The following REXO2 variants were observed in gnomAD, a reference collection of about 807,000 sequenced individuals.
REXO2 encodes the protein RNA exonuclease 2, also known as oligoribonuclease, mitochondrial.
REXO2 carries 17 observed loss-of-function variants against 30.9 expected under a neutral mutation model. The observed-to-expected ratio is 0.55, with a 90% CI of 0.38 to 0.82. The LOEUF (loss-of-function observed/expected upper bound fraction) is 0.82. Ranked by LOEUF, REXO2 falls within the 40% of genes least tolerant of loss-of-function variation. The pLI, the probability that REXO2 is intolerant of heterozygous loss-of-function variation, is 0.00. For missense variants in REXO2, 253 were observed against 293.2 expected, an observed-to-expected ratio of 0.86 and a Z score of 1.00; for synonymous variants, 105 against 99.6, an observed-to-expected ratio of 1.05 and a Z score of -0.32.
At chr11:114,445,217 T>A (rs1192881205) in intron 4 of REXO2, 1 of 152,248 alleles carries the variant, frequency 6.6e-6, no homozygotes, top group African/African-American at 2.4e-5. Flanking sequence ...TATATTTCTT[T>A]AGTCTCTTAA....
Position 114,450,000 on chromosome 11 carries a change from A to G in REXO2, c.*25A>G, listed in dbSNP as rs1325348484. The G allele has an allele frequency of 2.6e-6, 4 of 1,567,206 alleles. No individual in the cohort carries two copies. Among genetic ancestry groups the G allele is most frequent in the African/African-American group, 1.4e-5 (1 of 72,014 alleles). On this transcript the variant is annotated 3_prime_UTR_variant, in exon 7 of 7. Transcript: ENST00000265881. ...ATGCCAGTTATCATGCTGCCACTAC[A>G]TCGTTATCTGGAGGCAACTTCTGGT...
In REXO2 at chr11:114,449,948, TG is replaced by T. The variant is rs1946535022; in HGVS notation, c.691del (p.Glu231LysfsTer6). ...DEKKRKIIEN[G>X]ENEKTVS Reference sequence around the variant, plus strand: ...AAAAGAAGAGGAAAATTATAGAAAATGGGGAAAATGAGAAGACCGTGAGTTG... The same window carrying T: ...AAAAGAAGAGGAAAATTATAGAAAATGGGAAAATGAGAAGACCGTGAGTTG... On this transcript the variant is annotated frameshift_variant, in exon 7 of 7. Transcript: ENST00000265881. LOFTEE classifies it high-confidence loss of function. 6.2e-7 allele frequency: 1 copy of T among 1,606,348 alleles called. No individual in the cohort carries two copies. Among genetic ancestry groups the T allele is most frequent in the East Asian group, 2.2e-5 (1 of 44,504 alleles).
chr11:114,444,139 T>TC, intron 3 of REXO2: 3 of 654,216 alleles, frequency 4.6e-6, no homozygotes, highest in Non-Finnish European at 8.5e-6. Flanking sequence ...CTCTTTTTTT[T>TC]CTCTCCTACA....
At chr11:114,439,747 T>C (rs476200) in intron 1 of REXO2, 72 bp downstream of exon 1, 687,959 of 1,419,940 alleles carry the variant, frequency 0.48, 171,059 homozygotes, top group African/African-American at 0.74. Context: ...GTCGAGCCCG[T>C]CCTGGGAGAG....
chr11:114,444,187 T>C, intron 3 of REXO2: 1 of 618,044 alleles, frequency 1.6e-6, no homozygotes, highest in South Asian at 1.5e-5. Flanking sequence ...TTGTCAAGTA[T>C]TACTCAAGTC....
At chr11:114,440,919 G>T in intron 2 of REXO2, 180 bp downstream of exon 2, 1 of 447,798 alleles carries the variant, frequency 2.2e-6, no homozygotes, top group South Asian at 5.1e-5. Context: ...ACAGCCTAGT[G>T]AAAATTAAAA....
rs1464804636 is a variant in REXO2, at chr11:114,450,204, T to G, written c.*229T>G. The G allele has an allele frequency of 3.7e-6, 1 of 269,664 alleles. No individual in the cohort carries two copies. The highest frequency in any genetic ancestry group is 7.0e-6 in the Non-Finnish European group (1 of 143,760). 16.7% of individuals were successfully genotyped at this position (269,664 alleles called of 1,614,324 possible). A position where few individuals can be genotyped will look rare whatever the true frequency, so the allele number is the denominator to read the frequency against. ...TCATGTCCATCCCTTGGTACATATA[T>G]GCATTTGCTTTTAAACCATTTCTTT... On this transcript the variant is annotated 3_prime_UTR_variant, in exon 7 of 7. Transcript: ENST00000265881.
At chr11:114,442,042 A>G (rs1438739068) in intron 2 of REXO2, 1 of 443,568 alleles carries the variant, frequency 2.3e-6, no homozygotes, top group African/African-American at 2.0e-5. Flanking sequence ...AAATACTGAC[A>G]GTTTAATGGA....
chr11:114,439,691 G>C lies in REXO2; in HGVS notation c.147+16G>C. 1 of 1,476,614 alleles carries C rather than the reference G, an allele frequency of 6.8e-7. No individual in the cohort carries two copies. Among genetic ancestry groups the C allele is most frequent in the Non-Finnish European group, 8.9e-7 (1 of 1,117,538 alleles). The allele number at this position is 1,476,614 out of a possible 1,614,324, so 91.5% of individuals were successfully genotyped here. Reference sequence around the variant, plus strand: ...GGACCTGGAGGTGAGTGAGGTCGGCGGGGGGCTTGGGGAGGCGAGTGAGGT... The same window carrying C: ...GGACCTGGAGGTGAGTGAGGTCGGCCGGGGGCTTGGGGAGGCGAGTGAGGT... On this transcript the variant is annotated intron_variant, in intron 1 of 6. Transcript: ENST00000265881.
intron 1 of REXO2, chr11:114,440,009 T>G (rs981824779): frequency 6.9e-5 from 34 of 490,188 alleles, no homozygotes; most frequent in Admixed American, 4.1e-4. Flanking sequence ...GCGGCTCTGT[T>G]CCCAGCTTCC....
chr11:114,448,008 A>G, intron 6 of REXO2, 129 bp downstream of exon 6: 2 of 703,618 alleles, frequency 2.8e-6, no homozygotes, highest in Non-Finnish European at 4.8e-6. Flanking sequence ...TAGCATAAAC[A>G]TAACATTCTT....
At chr11:114,446,571 G>A (rs1946510984) in intron 5 of REXO2, among the ~76,000 whole-genome samples, 1 of 152,188 alleles carries the variant, frequency 6.6e-6, no homozygotes, top group Admixed American at 6.5e-5. Flanking sequence ...CCTTTACATA[G>A]CAAGGAAATA....
intron 2 of REXO2, chr11:114,442,009 C>T (rs888891284): frequency 5.3e-5 from 28 of 524,194 alleles, no homozygotes; most frequent in Non-Finnish European, 9.1e-5. Context: ...AGAGTGTTTC[C>T]TTTAGACTGT....
chr11:114,440,108 G>C (rs1387360424), intron 1 of REXO2: 2 of 467,428 alleles, frequency 4.3e-6, no homozygotes, highest in Admixed American at 4.7e-5. Context: ...CCATAAGTGA[G>C]AACATTGAGG....
At chr11:114,447,474 C>T (rs1379531457) in intron 5 of REXO2, among the ~76,000 whole-genome samples, 2 of 151,796 alleles carry the variant, frequency 1.3e-5, no homozygotes, top group African/African-American at 2.4e-5. Context: ...GTGGATGGGG[C>T]AGGGGAGGTG....
At chr11:114,447,004 T>G (rs1946513764) in intron 5 of REXO2, among the ~76,000 whole-genome samples, 1 of 146,768 alleles carries the variant, frequency 6.8e-6, no homozygotes, top group African/African-American at 2.5e-5. Flanking sequence ...TGTGGCGCGA[T>G]CTCCGCTCAC....
At chr11:114,445,553 A>T (rs1400350549) in intron 4 of REXO2, 1 of 155,112 alleles carries the variant, frequency 6.4e-6, no homozygotes, top group African/African-American at 2.4e-5. Context: ...ATAAATATGC[A>T]TATGATTTGT....
rs149544510 is a variant in REXO2 at position 114,441,809 on chromosome 11, C to T, written c.231+1070C>T. ...GTTTGTGGAGTACCAGGCTTATCCT[C>T]CCCACATATCAACTGTAGGAGAATC... On this transcript the variant is annotated intron_variant, in intron 2 of 6. Coordinates refer to ENST00000265881, the MANE Select transcript of REXO2 (RefSeq NM_015523.4). 2,527 of 701,232 alleles carry T rather than the reference C, an allele frequency of 3.6e-3. 62 individuals are homozygous for T. In the Admixed American group the frequency reaches 0.039, roughly 11 times the overall value. The allele number at this position is 701,232 out of a possible 1,614,324, so 43.4% of individuals were successfully genotyped here.
In REXO2 at chr11:114,439,553, A is replaced by G; in HGVS notation, c.25A>G (p.Arg9Gly). 3 of 1,608,858 alleles carry G rather than the reference A, an allele frequency of 1.9e-6. No individual in the cohort carries two copies. Among genetic ancestry groups the G allele is most frequent in the Non-Finnish European group, 2.5e-6 (3 of 1,179,512 alleles). Residue 9 changes from arginine to glycine, a missense_variant, in exon 1 of 7, where the codon AGG (arginine) becomes GGG (glycine). Coordinates refer to ENST00000265881, the MANE Select transcript of REXO2 (RefSeq NM_015523.4). ...GATGCTAGGCGGCTCCCTGGGCTCC[A>G]GGCTGTTGCGGGGTGTAGGTGGGAG... is the stretch of plus-strand genomic sequence containing the variant. MLGGSLGS[R>G]LLRGVGGSHG...
Sources: gnomAD v4.1 joint callset for allele counts (sites outside exome capture counted in the v4.1 genomes callset) on GRCh38, gnomAD v4.1.1 for gene constraint, MANE v1.5 for transcripts, NCBI Gene and HGNC (gene_info 2026-07-23, HGNC 2026-07-21) for gene names.